RHBDD1: variants seen among roughly 807,000 people sequenced by gnomAD.
RHBDD1 encodes rhomboid domain containing 1, also known as rhomboid-related protein 4.
In RHBDD1, 38 loss-of-function variants were observed where a neutral mutation model predicts 36.3. The observed-to-expected ratio is 1.05, with a 90% CI of 0.81 to 1.37. RHBDD1 has a LOEUF of 1.37. Ranked by LOEUF, RHBDD1 falls within the 40% of genes most tolerant of loss-of-function variation. RHBDD1 has a pLI of 0.00. For missense variants in RHBDD1, 393 were observed against 377.6 expected, an observed-to-expected ratio of 1.04 and a Z score of -0.34; for synonymous variants, 151 against 136.5, an observed-to-expected ratio of 1.11 and a Z score of -0.74.
At chr2:226,859,754 T>C (rs925688037) in intron 3 of RHBDD1, among the ~76,000 whole-genome samples, 4 of 152,154 alleles carry the variant, frequency 2.6e-5, no homozygotes, top group Non-Finnish European at 5.9e-5. Flanking sequence ...GGCAGGGAAC[T>C]GGTGATATAA....
chr2:226,878,706 C>T (rs895475463), intron 5 of RHBDD1, among the ~76,000 whole-genome samples: 4 of 152,156 alleles, frequency 2.6e-5, no homozygotes, highest in Admixed American at 1.3e-4. Context: ...AGAGACCGAC[C>T]ACCCCGTGTG....
At chr2:226,838,841 C>T in intron 2 of RHBDD1, among the ~76,000 whole-genome samples, 1 of 152,118 alleles carries the variant, frequency 6.6e-6, no homozygotes, top group East Asian at 1.9e-4. Flanking sequence ...AGTTTTATCA[C>T]TGTAACAGAG....
At chr2:226,935,222 G>A (rs1244232076) in intron 8 of RHBDD1, 1 of 152,046 alleles carries the variant, frequency 6.6e-6, no homozygotes, top group East Asian at 1.9e-4. Flanking sequence ...TGTAAAAACC[G>A]GGAAAGCCAT....
chr2:226,929,255 A>G (rs763216442), intron 8 of RHBDD1, among the ~76,000 whole-genome samples: 3 of 152,050 alleles, frequency 2.0e-5, no homozygotes, highest in Non-Finnish European at 4.4e-5. Context: ...CTCTCAACAA[A>G]ATGCTAGCAA....
chr2:226,800,583 T>C, the RHBDD1 span, among the ~76,000 whole-genome samples: 2 of 152,154 alleles, frequency 1.3e-5, no homozygotes, highest in African/African-American at 2.4e-5. Flanking sequence ...TGCCCATCCG[T>C]GTGACGGGGG....
intron 8 of RHBDD1, among the ~76,000 whole-genome samples, chr2:226,926,970 A>T (rs1209409649): frequency 6.6e-6 from 1 of 152,188 alleles, no homozygotes; most frequent in Non-Finnish European, 1.5e-5. Context: ...TTTAAAATTT[A>T]TAGTGAAATT....
chr2:226,945,311 C>A (rs1018543551), intron 8 of RHBDD1, among the ~76,000 whole-genome samples: 6 of 152,046 alleles, frequency 3.9e-5, no homozygotes, highest in African/African-American at 9.7e-5. Flanking sequence ...CCTCCCCTAG[C>A]CTCCCACGCC....
At chr2:226,871,539 T>C (rs113995662) in intron 5 of RHBDD1, among the ~76,000 whole-genome samples, 1,628 of 152,342 alleles carry the variant, frequency 0.011, 26 homozygotes, top group South Asian at 0.043. Context: ...TTGATTATTG[T>C]ATTTATTTAT....
intron 8 of RHBDD1, among the ~76,000 whole-genome samples, chr2:226,926,930 C>A (rs1949705966): frequency 6.6e-6 from 1 of 152,018 alleles, no homozygotes; most frequent in African/African-American, 2.4e-5. Context: ...TCAGTTATTT[C>A]TTTGGGTTCC....
At chr2:226,912,399 T>C (rs2125692470) in intron 7 of RHBDD1, among the ~76,000 whole-genome samples, 1 of 152,226 alleles carries the variant, frequency 6.6e-6, no homozygotes, top group South Asian at 2.1e-4. Flanking sequence ...AAAAACTTGC[T>C]CACAAATGTT....
chr2:226,857,371 T>A (rs1165988831), intron 3 of RHBDD1, among the ~76,000 whole-genome samples: 1 of 151,840 alleles, frequency 6.6e-6, no homozygotes, highest in Non-Finnish European at 1.5e-5. Context: ...TTGGAAAAAA[T>A]TTCACAGTTA....
At chr2:226,865,179 T>G in intron 4 of RHBDD1, 53 bp downstream of exon 4, 1 of 1,354,540 alleles carries the variant, frequency 7.4e-7, no homozygotes, top group Non-Finnish European at 1.0e-6. Context: ...AAGGGAGGTG[T>G]GGCTGCTGTC....
chr2:226,908,332 T>C (rs1305470001), intron 6 of RHBDD1: 1 of 152,788 alleles, frequency 6.5e-6, no homozygotes, highest in Non-Finnish European at 1.5e-5. Flanking sequence ...TGGCCCTCCC[T>C]CTCTCATTTC....
chr2:226,940,616 A>T (rs1033937920), intron 8 of RHBDD1, among the ~76,000 whole-genome samples: 1 of 152,184 alleles, frequency 6.6e-6, no homozygotes, highest in African/African-American at 2.4e-5. Context: ...TTAATTAAAA[A>T]GTAATTCAAA....
chr2:226,801,728 G>A, the RHBDD1 span, among the ~76,000 whole-genome samples: 1,641 of 152,282 alleles, frequency 0.011, 42 homozygotes, highest in South Asian at 0.11. Flanking sequence ...AATTCTGGGG[G>A]TATAGAGTGC....
intron 5 of RHBDD1, among the ~76,000 whole-genome samples, chr2:226,878,191 C>A (rs1945404343): frequency 1.3e-5 from 2 of 152,042 alleles, no homozygotes; most frequent in Admixed American, 1.3e-4. Flanking sequence ...TCCAAGGGAG[C>A]TTCATGTAGT....
intron 8 of RHBDD1, chr2:226,969,224 A>G (rs1361323144): frequency 6.6e-6 from 1 of 152,120 alleles, no homozygotes; most frequent in African/African-American, 2.4e-5. Context: ...AGAGAGCCTG[A>G]TTGTTGCAGA....
At chr2:226,852,747 G>C (rs538874429) in intron 3 of RHBDD1, among the ~76,000 whole-genome samples, 14 of 151,966 alleles carry the variant, frequency 9.2e-5, no homozygotes, top group South Asian at 2.1e-4. Flanking sequence ...CTTTTAGTAA[G>C]ATCTTATTTT....
upstream of RHBDD1, among the ~76,000 whole-genome samples, chr2:226,833,856 A>ATGG (rs2124871194): frequency 6.6e-6 from 1 of 152,342 alleles, no homozygotes; most frequent in South Asian, 2.1e-4. Context: ...GTCAATTGAA[A>ATGG]TGGGATATGA....
Sources: gnomAD v4.1 joint callset for allele counts (sites outside exome capture counted in the v4.1 genomes callset) on GRCh38, gnomAD v4.1.1 for gene constraint, MANE v1.5 for transcripts, NCBI Gene and HGNC (gene_info 2026-07-23, HGNC 2026-07-21) for gene names.